RTBDN: variants seen among roughly 807,000 people sequenced by gnomAD.
The protein encoded by RTBDN is retbindin.
In RTBDN, 24 loss-of-function variants were observed where a neutral mutation model predicts 21.9. The observed-to-expected ratio is 1.10, with a 90% CI of 0.79 to 1.54. RTBDN has a LOEUF of 1.54. Among genes scored for constraint, RTBDN ranks in the 40% most tolerant of loss-of-function variants. The probability of loss-of-function intolerance (pLI) is 0.00; values close to 1 mark genes in which losing one functional copy is unlikely to be tolerated. For synonymous variants in RTBDN, 141 were observed against 125.9 expected (o/e 1.12, Z -0.80); for missense variants, 325 against 315.2 (o/e 1.03, Z -0.23).
In RTBDN at chr19:12,830,640, G is replaced by T; in HGVS notation, c.-18-643C>A. On this transcript the variant is annotated intron_variant, in intron 1 of 5. Transcript: ENST00000674343. This position sits in a 1 kb window ranked among gnomAD's most constrained non-coding sequence, Gnocchi z 4.2. Reference sequence around the variant, plus strand: ...TTGGCTGGATTGGGGTCTAGAGGCCGCTAAGACACCTCAGGATCCAGTCCA... The same window carrying T: ...TTGGCTGGATTGGGGTCTAGAGGCCTCTAAGACACCTCAGGATCCAGTCCA... The T allele has an allele frequency of 2.0e-6, 2 of 985,576 alleles. No individual in the cohort carries two copies. Among genetic ancestry groups the T allele is most frequent in the South Asian group, 4.7e-5 (1 of 21,292 alleles). 61.1% of individuals were successfully genotyped at this position (985,576 alleles called of 1,614,324 possible).
Position 12,830,116 on chromosome 19 carries a change from G to C in RTBDN, c.-18-119C>G. ...TAGGGAAAGTGCAGCTGAGGAGGAG[G>C]CTGGGGCAGTGGCCAAGGACGTTCA... is the stretch of plus-strand genomic sequence containing the variant. On this transcript the variant is annotated intron_variant, in intron 1 of 5. Coordinates refer to ENST00000674343, the MANE Select transcript of RTBDN (RefSeq NM_001270441.2). This position sits in a 1 kb window ranked among gnomAD's most constrained non-coding sequence, Gnocchi z 4.2. The C allele has an allele frequency of 1.5e-6, 2 of 1,334,900 alleles. No individual in the cohort carries two copies. Among genetic ancestry groups the C allele is most frequent in the Non-Finnish European group, 1.0e-6 (1 of 991,914 alleles). 82.7% of individuals were successfully genotyped at this position (1,334,900 alleles called of 1,614,324 possible).
chr19:12,827,062 A>G (rs1404649045), intron 4 of RTBDN, among the ~76,000 whole-genome samples, 191 bp from the exon 5 acceptor site: 1 of 152,014 alleles, frequency 6.6e-6, no homozygotes, highest in Non-Finnish European at 1.5e-5. Flanking sequence ...AGATCTTTCC[A>G]TACTCTGGGC....
chr19:12,825,808 T>TGCGGGAA lies in RTBDN; in HGVS notation c.587_588insTTCCCGC (p.Arg197SerfsTer42). On this transcript the variant is annotated frameshift_variant, in exon 6 of 6. Coordinates refer to ENST00000674343, the MANE Select transcript of RTBDN (RefSeq NM_001270441.2). LOFTEE classifies it low-confidence loss of function (END_TRUNC). The stretch of plus-strand genomic sequence containing the variant: ...GCCGGGAGGGAGCTTCCCGGCCCCG[T>TGCGGGAA]CGTCCTGGTCTGGGACGAGGTACCG... 6.2e-7 allele frequency: 1 copy of TGCGGGAA among 1,612,286 alleles called. No homozygotes were observed. The highest frequency in any genetic ancestry group is 8.5e-7 in the Non-Finnish European group (1 of 1,179,018).
chr19:12,829,742 A>C, intron 2 of RTBDN, 69 bp downstream of exon 2: 1 of 1,516,580 alleles, frequency 6.6e-7, no homozygotes, highest in Non-Finnish European at 9.0e-7. Context: ...AGGAAATTCT[A>C]ACATTGTCAT....
In RTBDN at chr19:12,830,560, T is replaced by C; in HGVS notation, c.-18-563A>G. ...GCCCCGAGGCAGGGACAGCTAGCGG[T>C]CTGTGGAGACAAGACTGTCCCCTTC... On this transcript the variant is annotated intron_variant, in intron 1 of 5. Transcript: ENST00000674343. This position sits in a 1 kb window ranked among gnomAD's most constrained non-coding sequence, Gnocchi z 4.2. The C allele has an allele frequency of 2.0e-6, 2 of 984,666 alleles. No individual in the cohort carries two copies. Among genetic ancestry groups the C allele is most frequent in the South Asian group, 4.7e-5 (1 of 21,278 alleles). The allele number at this position is 984,666 out of a possible 1,614,324, so 61.0% of individuals were successfully genotyped here. A position where few individuals can be genotyped will look rare whatever the true frequency, so the allele number is the denominator to read the frequency against.
At position 12,825,504 on chromosome 19, in the gene RTBDN, C is replaced by G; in HGVS notation, c.*202G>C. The G allele has an allele frequency of 2.4e-6, 2 of 820,640 alleles. No individual in the cohort carries two copies. Among genetic ancestry groups the G allele is most frequent in the South Asian group, 1.9e-5 (1 of 51,732 alleles). 50.8% of individuals were successfully genotyped at this position (820,640 alleles called of 1,614,324 possible). A position where few individuals can be genotyped will look rare whatever the true frequency, so the allele number is the denominator to read the frequency against. The stretch of plus-strand genomic sequence containing the variant: ...ACGTGCTCTAGCTGGCGACTTTATT[C>G]AAAGGGGAGAGGGAAAAGTGAGAGA... On this transcript the variant is annotated 3_prime_UTR_variant, in exon 6 of 6. Transcript: ENST00000674343.
At position 12,830,596 on chromosome 19, in the gene RTBDN, G is replaced by A. The variant is rs1002165663; in HGVS notation, c.-18-599C>T. Reference sequence around the variant, plus strand: ...AAGACTGTCCCCTTCCCGCCTCCCCGCATTCAGCCCCTCACCTGTTGGCTG... The same window carrying A: ...AAGACTGTCCCCTTCCCGCCTCCCCACATTCAGCCCCTCACCTGTTGGCTG... On this transcript the variant is annotated intron_variant, in intron 1 of 5. Transcript: ENST00000674343. This position sits in a 1 kb window ranked among gnomAD's most constrained non-coding sequence, Gnocchi z 4.2. 6.1e-6 allele frequency: 6 copies of A among 985,382 alleles called. No homozygotes were observed. The highest frequency in any genetic ancestry group is 6.0e-6 in the Non-Finnish European group (5 of 830,040). The allele number at this position is 985,382 out of a possible 1,614,324, so 61.0% of individuals were successfully genotyped here.
At chr19:12,832,738 CA>C (rs1415341733) in intron 1 of RTBDN, 2 of 152,248 alleles carry the variant, frequency 1.3e-5, no homozygotes, top group Non-Finnish European at 2.9e-5. Flanking sequence ...ATAACCCAGG[CA>C]AAGGCGCGGA....
At position 12,834,499 on chromosome 19, in the gene RTBDN, A is replaced by G. The variant is rs765942079; in HGVS notation, c.-29T>C. On this transcript the variant is annotated 5_prime_UTR_variant, in exon 1 of 6. The change abolishes an upstream ATG in the 5' untranslated region. Coordinates refer to ENST00000674343, the MANE Select transcript of RTBDN (RefSeq NM_001270441.2). The surrounding 1 kb of genome is among the most constrained non-coding windows in gnomAD (Gnocchi z 4.7). ...GCGTCCCCCACGCACCTGCCTGGCC[A>G]TCAGGATTCTTCCTACTGCCCTAAT... 11 of 1,535,316 alleles carry G rather than the reference A, an allele frequency of 7.2e-6. No individual in the cohort carries two copies. The African/African-American group carries it at 1.4e-4, about 19-fold the overall frequency.
At position 12,830,265 on chromosome 19, in the gene RTBDN, C is replaced by A; in HGVS notation, c.-18-268G>T. 6 of 1,204,886 alleles carry A rather than the reference C, an allele frequency of 5.0e-6. No homozygotes were observed. Among genetic ancestry groups the A allele is most frequent in the Non-Finnish European group, 4.1e-6 (4 of 966,836 alleles). 74.6% of individuals were successfully genotyped at this position (1,204,886 alleles called of 1,614,324 possible). A position where few individuals can be genotyped will look rare whatever the true frequency, so the allele number is the denominator to read the frequency against. On this transcript the variant is annotated intron_variant, in intron 1 of 5. Transcript: ENST00000674343. This position sits in a 1 kb window ranked among gnomAD's most constrained non-coding sequence, Gnocchi z 4.2. ...TAGACCACAGTGGCCCTCCTCCCAT[C>A]CAGCAGGATCTCCCACCTTTTTAGT...
At position 12,830,014 on chromosome 19, in the gene RTBDN, G is replaced by T. The variant is rs202026278; in HGVS notation, c.-18-17C>A. 2 of 1,593,020 alleles carry T rather than the reference G, an allele frequency of 1.3e-6. No individual in the cohort carries two copies. The highest frequency in any genetic ancestry group is 1.7e-6 in the Non-Finnish European group (2 of 1,163,350). On this transcript the variant is annotated splice_polypyrimidine_tract_variant and intron_variant, in intron 1 of 5. Transcript: ENST00000674343. The surrounding 1 kb of genome is among the most constrained non-coding windows in gnomAD (Gnocchi z 4.2). ...AGATAAGAGCTGGCAGGCATAGGGT[G>T]GGGTTCAGCCATCCCTTTCTGTGAG... is the stretch of plus-strand genomic sequence containing the variant.
rs1277543517 is a variant in RTBDN, at chr19:12,830,174, C to T, written c.-18-177G>A. 7.6e-7 allele frequency: 1 copy of T among 1,315,118 alleles called. No homozygotes were observed. Among genetic ancestry groups the T allele is most frequent in the Non-Finnish European group, 1.0e-6 (1 of 1,002,284 alleles). The allele number at this position is 1,315,118 out of a possible 1,614,324, so 81.5% of individuals were successfully genotyped here. On this transcript the variant is annotated intron_variant, in intron 1 of 5. Transcript: ENST00000674343. This position sits in a 1 kb window ranked among gnomAD's most constrained non-coding sequence, Gnocchi z 4.2. Reference sequence around the variant, plus strand: ...GGAGACCATCAGGGCCTGCCTCCAACCTAGGAGCCCCCCTCCCATCAGAAC... The same window carrying T: ...GGAGACCATCAGGGCCTGCCTCCAATCTAGGAGCCCCCCTCCCATCAGAAC...
At chr19:12,835,107 TC>T (rs1248271866), upstream of RTBDN, 2 of 1,612,734 alleles carry the variant, frequency 1.2e-6, no homozygotes, top group African/African-American at 2.7e-5. Flanking sequence ...ATTTCTAGAC[TC>T]CCCTAATCCA....
chr19:12,829,720 G>A, intron 2 of RTBDN, 91 bp downstream of exon 2: 2 of 1,367,018 alleles, frequency 1.5e-6, no homozygotes, highest in South Asian at 1.3e-5. Flanking sequence ...GCCATGCTAG[G>A]CCCCTCTCAT....
Position 12,828,676 on chromosome 19 carries a change from C to T in RTBDN, c.346G>A (p.Glu116Lys). 6.2e-7 allele frequency: 1 copy of T among 1,613,888 alleles called. No individual in the cohort carries two copies. Among genetic ancestry groups the T allele is most frequent in the Non-Finnish European group, 8.5e-7 (1 of 1,179,874 alleles). Residue 116 changes from glutamate (E) to lysine (K), a missense_variant, in exon 4 of 6, where the codon GAG becomes AAG. Transcript: ENST00000674343. Reference protein sequence around the residue: ...LGVRQAQPLCEELCQAWFANC... With the variant: ...LGVRQAQPLCKELCQAWFANC... Reference sequence around the variant, plus strand: ...TCCTACCAGGCCTGGCAGAGCTCCTCGCAGAGCGGCTGTGCCTGGCGTACC... The same window carrying T: ...TCCTACCAGGCCTGGCAGAGCTCCTTGCAGAGCGGCTGTGCCTGGCGTACC...
At position 12,834,309 on chromosome 19, in the gene RTBDN, C is replaced by A. The variant is rs1969681737; in HGVS notation, c.-19+180G>T. On this transcript the variant is annotated intron_variant, in intron 1 of 5. Transcript: ENST00000674343. This position sits in a 1 kb window ranked among gnomAD's most constrained non-coding sequence, Gnocchi z 4.7. ...ATGGGGCTGGGGCCGAAGTCATCGC[C>A]CTGGCGCCTCGCCAGGCTAGGGGTG... Among the ~76,000 whole-genome samples the A allele has an allele frequency of 6.6e-6, 1 of 152,340 alleles. No homozygotes were observed. The highest frequency in any genetic ancestry group is 2.1e-4 in the South Asian group (1 of 4,834).
Position 12,829,018 on chromosome 19 carries a change from C to T in RTBDN, c.170-65G>A, listed in dbSNP as rs1292023392. 8.1e-6 allele frequency: 13 copies of T among 1,601,472 alleles called. No homozygotes were observed. In the Admixed American group the frequency reaches 1.4e-4, roughly 17 times the overall value. ...TCAGGTAAGGTTTGGGAACTGAGGC[C>T]TGGGGATCCCCTGGACAGGGGAGAC... On this transcript the variant is annotated intron_variant, in intron 2 of 5. Coordinates refer to ENST00000674343, the MANE Select transcript of RTBDN (RefSeq NM_001270441.2).
chr19:12,835,329 G>A, upstream of RTBDN: 1 of 567,612 alleles, frequency 1.8e-6, no homozygotes, highest in Admixed American at 3.0e-5. Context: ...GCCTCTCGGG[G>A]GTGGGTTAGG....
In RTBDN at chr19:12,830,113, G is replaced by A; in HGVS notation, c.-18-116C>T. 1 of 1,353,222 alleles carries A rather than the reference G, an allele frequency of 7.4e-7. No individual in the cohort carries two copies. Among genetic ancestry groups the A allele is most frequent in the Non-Finnish European group, 1.0e-6 (1 of 1,003,884 alleles). The allele number at this position is 1,353,222 out of a possible 1,614,324, so 83.8% of individuals were successfully genotyped here. A position where few individuals can be genotyped will look rare whatever the true frequency, so the allele number is the denominator to read the frequency against. ...GAGTAGGGAAAGTGCAGCTGAGGAG[G>A]AGGCTGGGGCAGTGGCCAAGGACGT... On this transcript the variant is annotated intron_variant, in intron 1 of 5. Transcript: ENST00000674343. This position sits in a 1 kb window ranked among gnomAD's most constrained non-coding sequence, Gnocchi z 4.2.
Sources: allele counts gnomAD v4.1 joint callset (sites outside exome capture counted in the v4.1 genomes callset), GRCh38; gene constraint gnomAD v4.1.1; non-coding constraint Gnocchi (gnomAD v3.1); transcripts MANE v1.5; gene names NCBI Gene and HGNC (gene_info 2026-07-23, HGNC 2026-07-21).